The following FUT9 variants were observed in gnomAD, a reference collection of about 807,000 sequenced individuals.
FUT9 encodes fucosyltransferase 9, also known as 4-galactosyl-N-acetylglucosaminide 3-alpha-L-fucosyltransferase 9.
Under a neutral mutation model 29.7 loss-of-function variants are expected in FUT9, and 15 were observed. The ratio of observed to expected loss-of-function variants is 0.51; its 90% CI spans 0.34 to 0.78. The LOEUF (loss-of-function observed/expected upper bound fraction) is 0.78, where lower values mean the gene tolerates loss of function less well. Ranked by LOEUF, FUT9 falls within the 30% of genes least tolerant of loss-of-function variation. FUT9 has a pLI of 0.01. For synonymous variants in FUT9, 169 were observed against 153.7 expected, an observed-to-expected ratio of 1.10 and a Z score of -0.74; for missense variants, 319 against 425.4, an observed-to-expected ratio of 0.75 and a Z score of 2.20.
intron 1 of FUT9, among the ~76,000 whole-genome samples, chr6:96,088,051 G>A (rs1771348462): frequency 6.6e-6 from 1 of 152,018 alleles, no homozygotes; most frequent in Admixed American, 6.6e-5. Context: ...CATTGTTTCT[G>A]ATGAGAAATA....
At chr6:96,178,400 T>G (rs1306412728) in intron 2 of FUT9, among the ~76,000 whole-genome samples, 1 of 152,206 alleles carries the variant, frequency 6.6e-6, no homozygotes, top group Non-Finnish European at 1.5e-5. Context: ...ATTTCTATTG[T>G]GCCACTAAAT....
At chr6:96,064,601 G>GA (rs930940585) in intron 1 of FUT9, among the ~76,000 whole-genome samples, 1 of 152,004 alleles carries the variant, frequency 6.6e-6, no homozygotes, top group South Asian at 2.1e-4. Context: ...GATCTACATT[G>GA]AAAAAAATAC....
chr6:96,066,100 A>C (rs976217039), intron 1 of FUT9, among the ~76,000 whole-genome samples: 1 of 152,146 alleles, frequency 6.6e-6, no homozygotes, highest in Non-Finnish European at 1.5e-5. Flanking sequence ...TGCATTGTTT[A>C]GAGTTACACA....
intron 1 of FUT9, among the ~76,000 whole-genome samples, chr6:96,024,545 C>T (rs1770130172): frequency 1.3e-5 from 2 of 151,738 alleles, no homozygotes; most frequent in Admixed American, 1.3e-4. Flanking sequence ...TCAGTAGCCA[C>T]AGATACATTG....
intron 2 of FUT9, among the ~76,000 whole-genome samples, chr6:96,125,918 A>G (rs1772125337): frequency 6.6e-6 from 1 of 152,140 alleles, no homozygotes; most frequent in Non-Finnish European, 1.5e-5. Flanking sequence ...TTTTACTGTC[A>G]GGTTCTCCAC....
At chr6:96,052,317 A>G (rs114669170) in intron 1 of FUT9, among the ~76,000 whole-genome samples, 5,021 of 152,280 alleles carry the variant, frequency 0.033, 296 homozygotes, top group African/African-American at 0.11. Flanking sequence ...TTGAGTGGTG[A>G]CACAGTCAAA....
chr6:96,140,638 C>T (rs140353422), intron 2 of FUT9, among the ~76,000 whole-genome samples: 61 of 152,270 alleles, frequency 4.0e-4, no homozygotes, highest in Middle Eastern at 3.4e-3. Context: ...GGAGCAAAGG[C>T]ACATCTTACA....
Position 96,150,116 on chromosome 6 carries a change from T to C in FUT9, c.-9+35989T>C, listed in dbSNP as rs868203568. Among the ~76,000 whole-genome samples the C allele has an allele frequency of 2.6e-5, 4 of 152,260 alleles. No homozygotes were observed. In the South Asian group the frequency reaches 8.3e-4, roughly 32 times the overall value. ...TGGGTCTTGATTCTCTTAGGACGGA[T>C]AAGTCATGTCCAAGAATAGAATACA... On this transcript the variant is annotated intron_variant, in intron 2 of 2. Coordinates refer to ENST00000302103, the MANE Select transcript of FUT9 (RefSeq NM_006581.4).
intron 1 of FUT9, among the ~76,000 whole-genome samples, chr6:96,071,552 T>C (rs981173176): frequency 1.3e-5 from 2 of 152,200 alleles, no homozygotes; most frequent in Non-Finnish European, 2.9e-5. Flanking sequence ...GCAAATCAAT[T>C]ATTTTAAAAA....
intron 1 of FUT9, among the ~76,000 whole-genome samples, chr6:96,028,013 G>T (rs1451281614): frequency 6.6e-6 from 1 of 151,578 alleles, no homozygotes; most frequent in East Asian, 1.9e-4. Context: ...GAATAAAAAG[G>T]TTGGAGTGAA....
chr6:96,053,447 G>T (rs1416781939), intron 1 of FUT9, among the ~76,000 whole-genome samples: 1 of 152,162 alleles, frequency 6.6e-6, no homozygotes, highest in African/African-American at 2.4e-5. Flanking sequence ...AGTGGCTCAT[G>T]CCTGTAATCC....
At chr6:96,037,069 T>C (rs1236252673) in intron 1 of FUT9, 1 of 151,666 alleles carries the variant, frequency 6.6e-6, no homozygotes, top group Non-Finnish European at 1.5e-5. Context: ...CTCTGGGACA[T>C]TTATCCACAG....
chr6:96,054,468 C>T (rs1316585222), intron 1 of FUT9, among the ~76,000 whole-genome samples: 1 of 152,176 alleles, frequency 6.6e-6, no homozygotes, highest in Admixed American at 6.5e-5. Flanking sequence ...TCCAAACACT[C>T]TGCTAAACCT....
rs11314020 is a variant in FUT9, at chr6:96,046,151, GTT to G, written c.-98+29950_-98+29951del. Among the ~76,000 whole-genome samples, 333 of 145,314 alleles carry G rather than the reference GTT, an allele frequency of 2.3e-3. 1 individual carries two copies. The highest frequency in any genetic ancestry group is 0.012 in the South Asian group (56 of 4,572). ...CTCTACAGCAGTGTCTTTCAAAGTTGTTTTTTTTTTTTAACTAGGACCCAAAA... is the reference window on the plus strand; with the variant it reads ...CTCTACAGCAGTGTCTTTCAAAGTTGTTTTTTTTTTAACTAGGACCCAAAA... On this transcript the variant is annotated intron_variant, in intron 1 of 2. Coordinates refer to ENST00000302103, the MANE Select transcript of FUT9 (RefSeq NM_006581.4).
At chr6:96,095,652 G>A (rs565514692) in intron 1 of FUT9, among the ~76,000 whole-genome samples, 14 of 152,054 alleles carry the variant, frequency 9.2e-5, no homozygotes, top group Non-Finnish European at 1.3e-4. Context: ...TTACTTTGCC[G>A]GTTCTTCTCA....
At chr6:96,195,884 G>A (rs1304437549) in intron 2 of FUT9, among the ~76,000 whole-genome samples, 1 of 152,120 alleles carries the variant, frequency 6.6e-6, no homozygotes, top group East Asian at 1.9e-4. Flanking sequence ...ATTATATGGG[G>A]AGCAAATTAT....
intron 1 of FUT9, among the ~76,000 whole-genome samples, chr6:96,110,314 T>C (rs1771775392): frequency 6.6e-6 from 1 of 152,286 alleles, no homozygotes. Flanking sequence ...ATTTTGCTCA[T>C]AGAAGGCCCA....
chr6:96,183,414 T>G (rs1191892493), intron 2 of FUT9, among the ~76,000 whole-genome samples: 2 of 152,074 alleles, frequency 1.3e-5, no homozygotes, highest in Non-Finnish European at 2.9e-5. Context: ...GGACTTCCTC[T>G]TTATCTATTT....
intron 1 of FUT9, among the ~76,000 whole-genome samples, chr6:96,073,379 G>C (rs1771094450): frequency 6.6e-6 from 1 of 151,600 alleles, no homozygotes. Flanking sequence ...AACCCAGGAG[G>C]CTGAGGTTGC....
Sources: gnomAD v4.1 joint callset for allele counts (sites outside exome capture counted in the v4.1 genomes callset) on GRCh38, gnomAD v4.1.1 for gene constraint, MANE v1.5 for transcripts, NCBI Gene and HGNC (gene_info 2026-07-23, HGNC 2026-07-21) for gene names.